The following GABRA3 variants were observed in gnomAD, a reference collection of about 807,000 sequenced individuals.
GABRA3 encodes gamma-aminobutyric acid receptor subunit alpha-3.
In GABRA3, 10 loss-of-function variants were observed where a neutral mutation model predicts 30.1. The ratio of observed to expected loss-of-function variants is 0.33; its 90% CI spans 0.20 to 0.56. The LOEUF (loss-of-function observed/expected upper bound fraction) is 0.56. GABRA3 is among the 20% of genes least tolerant of loss of function. The pLI is 0.89. For synonymous variants in GABRA3, 151 were observed against 146.8 expected, an observed-to-expected ratio of 1.03 and a Z score of -0.21; for missense variants, 233 against 392.0, an observed-to-expected ratio of 0.59 and a Z score of 3.42.
intron 3 of GABRA3, among the ~76,000 whole-genome samples, chrX:152,315,663 C>T (rs899153388): frequency 1.6e-4 from 18 of 111,061 alleles, no homozygotes; most frequent in East Asian, 2.9e-4. Context: ...TGTGGGAGCA[C>T]GGTAGGAGTG....
rs966259415 is a variant in GABRA3 at position 152,266,663 on chromosome X, T to C, written c.331-10665A>G. Reference sequence around the variant, plus strand: ...CAGCCTTCAGGTTTTAATCAAAAGTTACTGTATCCGAAGCATTGCTTGAAC... The same window carrying C: ...CAGCCTTCAGGTTTTAATCAAAAGTCACTGTATCCGAAGCATTGCTTGAAC... On this transcript the variant is annotated intron_variant, in intron 4 of 9. Transcript: ENST00000370314. Among the ~76,000 whole-genome samples the C allele has an allele frequency of 1.3e-4, 14 of 111,787 alleles. No individual in the cohort carries two copies. The East Asian group carries it at 3.4e-3, about 27-fold the overall frequency.
At chrX:152,264,264 T>C (rs973797023) in intron 4 of GABRA3, among the ~76,000 whole-genome samples, 1 of 111,648 alleles carries the variant, frequency 9.0e-6, no homozygotes, top group Non-Finnish European at 1.9e-5. Context: ...TCAAAAATAA[T>C]AACTACAACA....
At chrX:152,284,798 G>A in intron 3 of GABRA3, 63 bp from the exon 4 acceptor site, 1 of 783,235 alleles carries the variant, frequency 1.3e-6, no homozygotes, top group South Asian at 2.3e-5. Context: ...CTCAGAGAGA[G>A]TCCAGTGCAG....
chrX:152,399,130 C>T, intron 1 of GABRA3, among the ~76,000 whole-genome samples: 1 of 111,152 alleles, frequency 9.0e-6, no homozygotes, highest in East Asian at 2.8e-4. Flanking sequence ...AGTCCTAATT[C>T]TTGGAAGTAT....
intron 1 of GABRA3, among the ~76,000 whole-genome samples, chrX:152,388,686 A>G (rs1347346820): frequency 2.7e-5 from 3 of 112,421 alleles, no homozygotes; most frequent in Non-Finnish European, 5.6e-5. Context: ...GGAGCACACA[A>G]CTATAGGATG....
intron 5 of GABRA3, among the ~76,000 whole-genome samples, chrX:152,228,348 G>A (rs1038813592): frequency 2.7e-5 from 3 of 111,787 alleles, no homozygotes; most frequent in Admixed American, 9.5e-5. Flanking sequence ...GCTTAGGTGG[G>A]TTGAGCAAGA....
chrX:152,188,091 G>A (rs964575939), intron 9 of GABRA3, among the ~76,000 whole-genome samples: 6 of 111,110 alleles, frequency 5.4e-5, no homozygotes, highest in Non-Finnish European at 9.4e-5. Flanking sequence ...GGGAAGGTGG[G>A]GGGAAGAAGG....
intron 4 of GABRA3, among the ~76,000 whole-genome samples, chrX:152,278,142 G>A: frequency 1.8e-5 from 2 of 110,972 alleles, no homozygotes; most frequent in Middle Eastern, 9.2e-3. Flanking sequence ...AAGTTTTAGG[G>A]TACATGTGCA....
chrX:152,387,758 A>G (rs751214890), intron 1 of GABRA3, among the ~76,000 whole-genome samples: 9 of 111,828 alleles, frequency 8.0e-5, no homozygotes, highest in Non-Finnish European at 1.7e-4. Context: ...CTATCAAATG[A>G]ACAAAAGCTT....
intron 2 of GABRA3, among the ~76,000 whole-genome samples, chrX:152,360,500 G>A (rs1164850348): frequency 4.7e-5 from 4 of 85,487 alleles, no homozygotes; most frequent in Non-Finnish European, 8.9e-5. Context: ...TGAACAATGA[G>A]ATCACATGGA....
At chrX:152,252,317 T>C (rs1482828355) in intron 5 of GABRA3, among the ~76,000 whole-genome samples, 1 of 111,463 alleles carries the variant, frequency 9.0e-6, no homozygotes, top group Non-Finnish European at 1.9e-5. Context: ...CTATATTACA[T>C]CTCTTTTTAT....
intron 1 of GABRA3, among the ~76,000 whole-genome samples, chrX:152,425,656 G>A (rs1217384459): frequency 9.0e-6 from 1 of 111,061 alleles, no homozygotes; most frequent in African/African-American, 3.3e-5. Flanking sequence ...GGAGACACAT[G>A]ATTGTTTTTT....
intron 1 of GABRA3, among the ~76,000 whole-genome samples, chrX:152,373,738 A>G (rs1174002632): frequency 9.1e-6 from 1 of 110,052 alleles, no homozygotes; most frequent in Non-Finnish European, 1.9e-5. Context: ...TTAACTCGTT[A>G]TTTACGTTAG....
intron 1 of GABRA3, among the ~76,000 whole-genome samples, chrX:152,399,621 AG>A (rs769479308): frequency 8.9e-6 from 1 of 112,046 alleles, no homozygotes; most frequent in Non-Finnish European, 1.9e-5. Flanking sequence ...CAAAGAGTTT[AG>A]GTTTGATTTT....
At chrX:152,422,904 A>G (rs1040856233) in intron 1 of GABRA3, among the ~76,000 whole-genome samples, 8 of 108,817 alleles carry the variant, frequency 7.4e-5, no homozygotes, top group Non-Finnish European at 1.5e-4. Flanking sequence ...ATGGTAATAC[A>G]TATGTTAATA....
chrX:152,386,472 CA>C (rs1234949602), intron 1 of GABRA3, among the ~76,000 whole-genome samples: 1 of 110,678 alleles, frequency 9.0e-6, no homozygotes, highest in Non-Finnish European at 1.9e-5. Flanking sequence ...ACAACCCCAT[CA>C]AAAAGTGGGC....
At chrX:152,436,937 A>G (rs1569424853) in intron 1 of GABRA3, among the ~76,000 whole-genome samples, 1 of 111,658 alleles carries the variant, frequency 9.0e-6, no homozygotes, top group African/African-American at 3.2e-5. Flanking sequence ...CATATCTTCT[A>G]AAGAATTTGT....
At chrX:152,438,014 A>G (rs947739813) in intron 1 of GABRA3, among the ~76,000 whole-genome samples, 3 of 112,255 alleles carry the variant, frequency 2.7e-5, no homozygotes, top group Non-Finnish European at 3.8e-5. Context: ...CGCACTGTTA[A>G]GAGTATGAAA....
At chrX:152,269,929 C>G (rs985422688) in intron 4 of GABRA3, among the ~76,000 whole-genome samples, 19 of 111,676 alleles carry the variant, frequency 1.7e-4, no homozygotes, top group South Asian at 7.5e-4. Context: ...TGATACTGGC[C>G]TGGGTACAGA....
Sources: allele counts gnomAD v4.1 joint callset (sites outside exome capture counted in the v4.1 genomes callset), GRCh38; gene constraint gnomAD v4.1.1; transcripts MANE v1.5; gene names NCBI Gene and HGNC (gene_info 2026-07-23, HGNC 2026-07-21).